Variants in SP4 observed in about 807,000 individuals in gnomAD.
SP4 encodes the protein transcription factor Sp4.
SP4 carries 19 observed loss-of-function variants against 72.8 expected under a neutral mutation model. The observed-to-expected ratio is 0.26, with a 90% CI of 0.18 to 0.38. SP4 has a LOEUF of 0.38. Among genes scored for constraint, SP4 ranks in the 10% least tolerant of loss-of-function variants. The probability of loss-of-function intolerance (pLI) is 1.00; values close to 1 mark genes in which losing one functional copy is unlikely to be tolerated. For missense variants in SP4, 1,008 were observed against 926.3 expected (o/e 1.09, Z -1.14); for synonymous variants, 395 against 333.1 (o/e 1.19, Z -2.02).
intron 3 of SP4, among the ~76,000 whole-genome samples, chr7:21,435,533 G>T (rs1183997501): frequency 6.6e-6 from 1 of 152,090 alleles, no homozygotes; most frequent in Non-Finnish European, 1.5e-5. Flanking sequence ...ATGCAAATAT[G>T]GCTTTCCTTT....
chr7:21,454,096 A>T (rs1466839614), intron 3 of SP4, among the ~76,000 whole-genome samples: 1 of 152,178 alleles, frequency 6.6e-6, no homozygotes, highest in African/African-American at 2.4e-5. Flanking sequence ...TTTACTTTGG[A>T]TGAAAACCTG....
chr7:21,449,929 T>G (rs532156659), intron 3 of SP4, among the ~76,000 whole-genome samples: 1 of 152,306 alleles, frequency 6.6e-6, no homozygotes, highest in East Asian at 1.9e-4. Flanking sequence ...GTGGCAGTGG[T>G]TCGGTTGCTA....
intron 4 of SP4, among the ~76,000 whole-genome samples, chr7:21,479,626 C>T (rs1460579295): frequency 6.6e-6 from 1 of 152,126 alleles, no homozygotes; most frequent in Non-Finnish European, 1.5e-5. Flanking sequence ...CTTGCAATTC[C>T]ATGTGAATTT....
chr7:21,463,929 A>G (rs115972920), intron 3 of SP4, among the ~76,000 whole-genome samples: 103 of 152,286 alleles, frequency 6.8e-4, no homozygotes, highest in African/African-American at 2.4e-3. Flanking sequence ...ATCTTGATCA[A>G]GTGTTTCTCT....
intron 3 of SP4, among the ~76,000 whole-genome samples, chr7:21,442,385 A>C (rs1783289112): frequency 6.6e-6 from 1 of 152,172 alleles, no homozygotes; most frequent in Non-Finnish European, 1.5e-5. Context: ...AATCAAAGGC[A>C]TGTCATAGTT....
chr7:21,448,365 A>G (rs1783489628), intron 3 of SP4, among the ~76,000 whole-genome samples: 1 of 152,204 alleles, frequency 6.6e-6, no homozygotes, highest in Non-Finnish European at 1.5e-5. Flanking sequence ...CTGTTTTTTA[A>G]TGTAATATTA....
intron 3 of SP4, among the ~76,000 whole-genome samples, chr7:21,460,559 G>A (rs879856681): frequency 2.0e-5 from 3 of 152,182 alleles, no homozygotes; most frequent in Non-Finnish European, 2.9e-5. Context: ...ACCCGAGCGG[G>A]TTGCCACTGC....
At chr7:21,482,741 T>TA in intron 5 of SP4, 3 of 977,490 alleles carry the variant, frequency 3.1e-6, no homozygotes, top group Non-Finnish European at 3.6e-6. Flanking sequence ...TGGATCTACA[T>TA]AAAAAATGTT....
At chr7:21,437,469 A>G (rs1456159478) in intron 3 of SP4, among the ~76,000 whole-genome samples, 3 of 152,204 alleles carry the variant, frequency 2.0e-5, no homozygotes, top group African/African-American at 7.2e-5. Flanking sequence ...GTCTCACACT[A>G]TGGCATGGGG....
intron 3 of SP4, among the ~76,000 whole-genome samples, chr7:21,473,542 G>C (rs1315400011): frequency 6.6e-6 from 1 of 152,120 alleles, no homozygotes; most frequent in East Asian, 1.9e-4. Flanking sequence ...GTGAGGTGAA[G>C]ACCAAATTAT....
chr7:21,430,506 A>T lies in SP4; in HGVS notation c.1341A>T (p.Gln447His). 6.2e-7 allele frequency: 1 copy of T among 1,614,260 alleles called. No homozygotes were observed. The highest frequency in any genetic ancestry group is 1.3e-5 in the African/African-American group (1 of 75,070). ...QQQPLQNVQL[Q>H]AVNPTQVLIR... The stretch of plus-strand genomic sequence containing the variant: ...AGCCTTTACAGAATGTTCAACTTCA[A>T]GCAGTAAATCCGACTCAGGTGCTTA... Residue 447 changes from glutamine (Q) to histidine (H), a missense_variant, in exon 3 of 6, where the codon CAA becomes CAT. Physicochemically the swap from Gln to His is conservative, Grantham distance 24. This residue lies in a region of SP4 where 893 missense variants were observed against 743.3 expected (regional missense o/e 1.20). Coordinates refer to ENST00000222584, the MANE Select transcript of SP4 (RefSeq NM_003112.5).
At chr7:21,437,771 G>C (rs1562586142) in intron 3 of SP4, among the ~76,000 whole-genome samples, 1 of 152,278 alleles carries the variant, frequency 6.6e-6, no homozygotes, top group South Asian at 2.1e-4. Flanking sequence ...AAAATGAACT[G>C]AGAGTAGAAT....
intron 3 of SP4, among the ~76,000 whole-genome samples, chr7:21,451,236 A>C (rs1254198130): frequency 6.6e-6 from 1 of 151,904 alleles, no homozygotes; most frequent in Non-Finnish European, 1.5e-5. Flanking sequence ...CACTCGTCCA[A>C]CTCCTGAGAT....
At chr7:21,448,974 C>T (rs955026442) in intron 3 of SP4, among the ~76,000 whole-genome samples, 1 of 152,128 alleles carries the variant, frequency 6.6e-6, no homozygotes, top group Non-Finnish European at 1.5e-5. Context: ...GGAAGGACTA[C>T]CTCTTCCGGG....
intron 5 of SP4, among the ~76,000 whole-genome samples, chr7:21,499,094 A>C (rs542180097): frequency 6.6e-6 from 1 of 152,030 alleles, no homozygotes; most frequent in Admixed American, 6.5e-5. Context: ...AAAAAAAAAA[A>C]AAAAACTGTT....
chr7:21,460,464 A>G (rs1046741208), intron 3 of SP4, among the ~76,000 whole-genome samples: 6 of 152,290 alleles, frequency 3.9e-5, no homozygotes, highest in African/African-American at 1.2e-4. Context: ...TACAGCTCAT[A>G]AAGGCAGTGT....
chr7:21,486,500 T>G (rs1172190029), intron 5 of SP4, among the ~76,000 whole-genome samples: 1 of 152,148 alleles, frequency 6.6e-6, no homozygotes, highest in East Asian at 1.9e-4. Context: ...TTTCCTTGTC[T>G]TTTATCACCT....
At chr7:21,449,042 A>G (rs1271415433) in intron 3 of SP4, among the ~76,000 whole-genome samples, 1 of 152,162 alleles carries the variant, frequency 6.6e-6, no homozygotes, top group Non-Finnish European at 1.5e-5. Context: ...ACACACACCA[A>G]CCAATCCAGA....
chr7:21,450,770 G>T (rs1050150251), intron 3 of SP4, among the ~76,000 whole-genome samples: 21 of 152,146 alleles, frequency 1.4e-4, no homozygotes, highest in Non-Finnish European at 3.1e-4. Flanking sequence ...TTTGTTAGTG[G>T]TCGTGAATCC....
Sources: allele counts gnomAD v4.1 joint callset (sites outside exome capture counted in the v4.1 genomes callset), GRCh38; gene constraint gnomAD v4.1.1; regional missense constraint gnomAD v4.1.1; transcripts MANE v1.5; gene names NCBI Gene and HGNC (gene_info 2026-07-23, HGNC 2026-07-21).